ANKS1B: variants seen among roughly 807,000 people sequenced by gnomAD.
ANKS1B encodes ankyrin repeat and sterile alpha motif domain containing 1B.
ANKS1B carries 36 observed loss-of-function variants against 148.3 expected under a neutral mutation model. That is an observed-to-expected ratio of 0.24 (90% confidence interval 0.19 to 0.32). The LOEUF is 0.32. Ranked by LOEUF, ANKS1B falls within the 10% of genes least tolerant of loss-of-function variation. The pLI is 1.00. For synonymous variants in ANKS1B, 542 were observed against 560.8 expected (o/e 0.97, Z 0.47); for missense variants, 1,157 against 1,542.6 (o/e 0.75, Z 4.19).
chr12:99,480,467 CTAA>C (rs1000372464), intron 10 of ANKS1B, among the ~76,000 whole-genome samples: 5 of 151,862 alleles, frequency 3.3e-5, no homozygotes, highest in African/African-American at 1.2e-4. Context: ...GTGATAGATA[CTAA>C]TGTTTTCACA....
intron 1 of ANKS1B, among the ~76,000 whole-genome samples, chr12:99,931,378 G>A (rs937407350): frequency 6.6e-6 from 1 of 151,822 alleles, no homozygotes; most frequent in African/African-American, 2.4e-5. Flanking sequence ...ATGACAGAGG[G>A]ATTACCAAAA....
At chr12:99,840,784 T>C (rs947086788) in intron 1 of ANKS1B, among the ~76,000 whole-genome samples, 2 of 152,140 alleles carry the variant, frequency 1.3e-5, no homozygotes, top group African/African-American at 4.8e-5. Flanking sequence ...TCCTTTATAA[T>C]ATTCATTCCA....
chr12:99,419,520 G>A (rs10860435), intron 11 of ANKS1B, among the ~76,000 whole-genome samples: 37,026 of 151,842 alleles, frequency 0.24, 4,698 homozygotes, highest in East Asian at 0.43. Context: ...AGAACAGTAG[G>A]AAATAACAAT....
At chr12:98,868,752 G>A (rs1297463166) in intron 17 of ANKS1B, among the ~76,000 whole-genome samples, 3 of 152,212 alleles carry the variant, frequency 2.0e-5, no homozygotes, top group African/African-American at 4.8e-5. Context: ...TCAGCAAATG[G>A]GGGCTGTCCT....
At chr12:99,662,934 C>T (rs2098484732) in intron 8 of ANKS1B, among the ~76,000 whole-genome samples, 1 of 151,918 alleles carries the variant, frequency 6.6e-6, no homozygotes, top group Non-Finnish European at 1.5e-5. Context: ...AATTCTTCTC[C>T]TCTTTATTAT....
chr12:99,466,485 T>A (rs1273279459), intron 10 of ANKS1B, among the ~76,000 whole-genome samples: 1 of 151,632 alleles, frequency 6.6e-6, no homozygotes, highest in Non-Finnish European at 1.5e-5. Context: ...CTTCAAAAAA[T>A]TAATAAATCC....
intron 12 of ANKS1B, among the ~76,000 whole-genome samples, chr12:99,259,659 A>T (rs372263201): frequency 6.6e-6 from 1 of 152,204 alleles, no homozygotes; most frequent in Non-Finnish European, 1.5e-5. Flanking sequence ...AGACTGTATT[A>T]CTAAATTATT....
intron 16 of ANKS1B, among the ~76,000 whole-genome samples, chr12:99,066,606 T>G (rs906301647): frequency 2.0e-5 from 3 of 152,194 alleles, no homozygotes; most frequent in Non-Finnish European, 4.4e-5. Flanking sequence ...TGACATGATC[T>G]GGCTTACATT....
chr12:99,091,175 A>G (rs775390543), intron 15 of ANKS1B, among the ~76,000 whole-genome samples: 1 of 152,160 alleles, frequency 6.6e-6, no homozygotes, highest in Non-Finnish European at 1.5e-5. Context: ...CAAGCTGTGT[A>G]TTTTAATAAA....
intron 8 of ANKS1B, among the ~76,000 whole-genome samples, chr12:99,737,505 A>G (rs1300190719): frequency 6.6e-6 from 1 of 152,104 alleles, no homozygotes; most frequent in Non-Finnish European, 1.5e-5. Flanking sequence ...TAATCAAGTA[A>G]TGGCTTTCCT....
At chr12:99,650,809 G>A (rs1234856818) in intron 9 of ANKS1B, among the ~76,000 whole-genome samples, 1 of 152,090 alleles carries the variant, frequency 6.6e-6, no homozygotes, top group Non-Finnish European at 1.5e-5. Context: ...GATCATTTTA[G>A]AATTGTAAGA....
chr12:99,894,999 T>A (rs2093330892), intron 1 of ANKS1B, among the ~76,000 whole-genome samples: 1 of 150,852 alleles, frequency 6.6e-6, no homozygotes, highest in East Asian at 1.9e-4. Context: ...CATAATCCCA[T>A]CACAAATCAA....
intron 17 of ANKS1B, among the ~76,000 whole-genome samples, chr12:98,971,630 T>G (rs1299942245): frequency 3.9e-5 from 6 of 152,196 alleles, no homozygotes; most frequent in Admixed American, 6.5e-5. Flanking sequence ...AATGAAGGGC[T>G]GTGTGTCTTC....
chr12:99,801,556 G>C (rs1315509548), intron 4 of ANKS1B, among the ~76,000 whole-genome samples: 1 of 152,130 alleles, frequency 6.6e-6, no homozygotes, highest in East Asian at 1.9e-4. Flanking sequence ...CCTCAAGAGA[G>C]AATGGAGGAA....
rs1013536982 is a variant in ANKS1B at position 98,933,706 on chromosome 12, G to A, written c.2779-101570C>T. ...ACTCATCCAGACAGGTGTGAGGTGA[G>A]CTCTCATAGTGCTTTTGACTTGCAT... On this transcript the variant is annotated intron_variant, in intron 17 of 26. Transcript: ENST00000683438. Among the ~76,000 whole-genome samples the A allele has an allele frequency of 3.3e-5, 5 of 151,876 alleles. No individual in the cohort carries two copies. In the East Asian group the frequency reaches 9.6e-4, roughly 29 times the overall value.
At chr12:99,221,093 A>T (rs1459753445) in intron 14 of ANKS1B, among the ~76,000 whole-genome samples, 1 of 152,086 alleles carries the variant, frequency 6.6e-6, no homozygotes, top group African/African-American at 2.4e-5. Context: ...TAATCCCAGC[A>T]CCTTGGGAGG....
At chr12:99,424,620 G>GAA (rs146279881) in intron 11 of ANKS1B, among the ~76,000 whole-genome samples, 1 of 132,244 alleles carries the variant, frequency 7.6e-6, no homozygotes, top group African/African-American at 3.1e-5. Context: ...ACAGGTAGCA[G>GAA]AAACACACAC....
At chr12:99,527,321 T>A (rs1484490534) in intron 9 of ANKS1B, among the ~76,000 whole-genome samples, 4 of 152,192 alleles carry the variant, frequency 2.6e-5, no homozygotes, top group Non-Finnish European at 4.4e-5. Flanking sequence ...AAGGGGATTA[T>A]CTTTCTTCTT....
At chr12:99,753,880 G>C (rs956149894) in intron 8 of ANKS1B, among the ~76,000 whole-genome samples, 1 of 151,966 alleles carries the variant, frequency 6.6e-6, no homozygotes, top group East Asian at 1.9e-4. Flanking sequence ...AAAATCAGCC[G>C]GGCATGGTGC....
Sources: gnomAD v4.1 joint callset for allele counts (sites outside exome capture counted in the v4.1 genomes callset) on GRCh38, gnomAD v4.1.1 for gene constraint, MANE v1.5 for transcripts, NCBI Gene and HGNC (gene_info 2026-07-23, HGNC 2026-07-21) for gene names.